MACROD2: variants seen among roughly 807,000 people sequenced by gnomAD.
MACROD2 encodes the protein mono-ADP ribosylhydrolase 2.
Under a neutral mutation model 70.4 loss-of-function variants are expected in MACROD2, and 36 were observed. That is an observed-to-expected ratio of 0.51 (90% confidence interval 0.39 to 0.68). The LOEUF is 0.68. Among genes scored for constraint, MACROD2 ranks in the 30% least tolerant of loss-of-function variants. MACROD2 has a pLI of 0.00. For synonymous variants in MACROD2, 172 were observed against 178.8 expected, an observed-to-expected ratio of 0.96 and a Z score of 0.30; for missense variants, 496 against 538.4, an observed-to-expected ratio of 0.92 and a Z score of 0.78.
chr20:14,568,555 A>G (rs968804054), intron 4 of MACROD2, among the ~76,000 whole-genome samples: 2 of 152,080 alleles, frequency 1.3e-5, no homozygotes, highest in African/African-American at 2.4e-5. Context: ...ACTTACTCAA[A>G]TAGTTTAATT....
At chr20:14,030,280 C>G (rs1454588488) in intron 2 of MACROD2, among the ~76,000 whole-genome samples, 2 of 151,788 alleles carry the variant, frequency 1.3e-5, no homozygotes, top group Non-Finnish European at 1.5e-5. Flanking sequence ...TCAAACCATC[C>G]ATCTGCTTCA....
Position 14,675,518 on chromosome 20 carries a change from AC to A in MACROD2, c.302-9323del, listed in dbSNP as rs758040300. On this transcript the variant is annotated intron_variant, in intron 4 of 17. Transcript: ENST00000684519. ...CAAGCGGAGGCTGAGAGATTTTGTC[AC>A]CACCAGGCCTGCGTTACAAGAGCTC... 5.9e-5 allele frequency among the ~76,000 whole-genome samples: 9 copies of A among 152,282 alleles called. No individual in the cohort carries two copies. In the East Asian group the frequency reaches 1.5e-3, roughly 26 times the overall value.
At chr20:14,757,455 GACAATA>G (rs1294454236) in intron 5 of MACROD2, 3 of 476,616 alleles carry the variant, frequency 6.3e-6, no homozygotes, top group Non-Finnish European at 1.1e-5. Context: ...TACAACTTTG[GACAATA>G]ACGTTATTTT....
intron 8 of MACROD2, among the ~76,000 whole-genome samples, chr20:15,578,929 G>A (rs1342655065): frequency 2.0e-5 from 3 of 152,272 alleles, no homozygotes; most frequent in Non-Finnish European, 4.4e-5. Context: ...TAGATATAGC[G>A]ATATGGGGAA....
At chr20:14,892,198 A>T (rs778019516) in intron 5 of MACROD2, among the ~76,000 whole-genome samples, 3 of 152,162 alleles carry the variant, frequency 2.0e-5, no homozygotes, top group African/African-American at 7.2e-5. Context: ...GTGGGCTGGC[A>T]TGGTGGCTCA....
chr20:14,355,118 T>C lies in MACROD2; in HGVS notation c.272-138361T>C, dbSNP rs183950154. Reference sequence around the variant, plus strand: ...AAACTGGTAGAATGATTTGTTTTCTTATAGATATATACCCAGCAATGGGAT... The same window carrying C: ...AAACTGGTAGAATGATTTGTTTTCTCATAGATATATACCCAGCAATGGGAT... On this transcript the variant is annotated intron_variant, in intron 3 of 17. Coordinates refer to ENST00000684519, the MANE Select transcript of MACROD2 (RefSeq NM_001351661.2). 2.5e-3 allele frequency among the ~76,000 whole-genome samples: 384 copies of C among 152,326 alleles called. 1 individual carries two copies. Among genetic ancestry groups the C allele is most frequent in the Admixed American group, 4.3e-3 (66 of 15,300 alleles).
At chr20:14,151,140 G>A (rs1210529439) in intron 3 of MACROD2, among the ~76,000 whole-genome samples, 3 of 152,176 alleles carry the variant, frequency 2.0e-5, no homozygotes, top group South Asian at 2.1e-4. Flanking sequence ...GAGGAAAGAC[G>A]TTAAATCATT....
intron 5 of MACROD2, among the ~76,000 whole-genome samples, chr20:14,942,558 A>C (rs1291254609): frequency 1.3e-5 from 2 of 152,176 alleles, no homozygotes; most frequent in Non-Finnish European, 2.9e-5. Context: ...TTTAGAAAAT[A>C]TTCTTTCTTT....
intron 2 of MACROD2, among the ~76,000 whole-genome samples, chr20:14,021,441 G>A (rs140620017): frequency 0.01 from 1,568 of 152,246 alleles, 11 homozygotes; most frequent in Non-Finnish European, 0.016. Context: ...TGAGTTTTGT[G>A]TTAGGCTAAA....
At chr20:15,876,109 A>ATATATAGGTATG (rs57817982) in intron 9 of MACROD2, among the ~76,000 whole-genome samples, 17 of 124,466 alleles carry the variant, frequency 1.4e-4, no homozygotes, top group Non-Finnish European at 6.2e-5. Context: ...ATATATATAT[A>ATATATAGGTATG]TATGTGTGTA....
intron 2 of MACROD2, among the ~76,000 whole-genome samples, chr20:14,005,957 A>G (rs544583411): frequency 6.6e-6 from 1 of 152,332 alleles, no homozygotes; most frequent in Admixed American, 6.5e-5. Context: ...GAATACAGTC[A>G]TGTGCCACAA....
In MACROD2 at chr20:13,995,621, A is replaced by G. The variant is rs930645309; in HGVS notation, c.-143A>G. 6.4e-6 allele frequency: 5 copies of G among 785,632 alleles called. No homozygotes were observed. In the African/African-American group the frequency reaches 8.5e-5, roughly 13 times the overall value. The allele number at this position is 785,632 out of a possible 1,614,324, so 48.7% of individuals were successfully genotyped here. ...GGAGGGCGGCGACTGGAGAGCGGCG[A>G]GCGGCGAGCAGCGCAGGACGCAGAG... On this transcript the variant is annotated 5_prime_UTR_variant, in exon 1 of 18. Transcript: ENST00000684519. The surrounding 1 kb of genome is among the most constrained non-coding windows in gnomAD (Gnocchi z 4.3).
chr20:15,176,783 T>A (rs2076465554), intron 5 of MACROD2, among the ~76,000 whole-genome samples: 3 of 152,068 alleles, frequency 2.0e-5, no homozygotes, highest in Admixed American at 2.0e-4. Context: ...CCTCCTTCCA[T>A]GTTGCAGGCA....
chr20:15,497,213 A>G (rs956334772), intron 7 of MACROD2, among the ~76,000 whole-genome samples: 5 of 152,172 alleles, frequency 3.3e-5, no homozygotes, highest in Non-Finnish European at 7.3e-5. Flanking sequence ...ATAAATCTAG[A>G]TGTTAAATTC....
chr20:15,646,653 G>A (rs1355661495), intron 8 of MACROD2, among the ~76,000 whole-genome samples: 17 of 152,134 alleles, frequency 1.1e-4, no homozygotes, highest in Admixed American at 1.1e-3. Context: ...TGGATCATGG[G>A]GGCAGTTCCC....
At chr20:14,424,009 G>A (rs1294281806) in intron 3 of MACROD2, among the ~76,000 whole-genome samples, 3 of 151,822 alleles carry the variant, frequency 2.0e-5, no homozygotes, top group African/African-American at 4.8e-5. Flanking sequence ...TGATCCGCCC[G>A]CCTCAGCCTC....
At chr20:14,787,949 G>A (rs1466027309) in intron 5 of MACROD2, among the ~76,000 whole-genome samples, 1 of 152,046 alleles carries the variant, frequency 6.6e-6, no homozygotes, top group African/African-American at 2.4e-5. Context: ...CTATATTTTG[G>A]CTTTTTTACT....
intron 3 of MACROD2, among the ~76,000 whole-genome samples, chr20:14,393,389 G>T (rs1051732452): frequency 1.2e-4 from 19 of 152,046 alleles, no homozygotes; most frequent in Non-Finnish European, 2.5e-4. Flanking sequence ...TTCTTTCACT[G>T]TCTACCCTTT....
intron 5 of MACROD2, among the ~76,000 whole-genome samples, chr20:14,695,628 G>A (rs1281045289): frequency 2.0e-5 from 3 of 152,174 alleles, no homozygotes; most frequent in African/African-American, 7.2e-5. Flanking sequence ...ACACCTTCTG[G>A]AGAGGCTTGT....
Sources: allele counts gnomAD v4.1 joint callset (sites outside exome capture counted in the v4.1 genomes callset), GRCh38; gene constraint gnomAD v4.1.1; non-coding constraint Gnocchi (gnomAD v3.1); transcripts MANE v1.5; gene names NCBI Gene and HGNC (gene_info 2026-07-23, HGNC 2026-07-21).